The following MYH15 variants were observed in gnomAD, a reference collection of about 807,000 sequenced individuals.
The protein encoded by MYH15 is myosin-15.
A neutral mutation model predicts 240.5 loss-of-function variants in MYH15; 227 were observed. The ratio of observed to expected loss-of-function variants is 0.94; its 90% CI spans 0.85 to 1.05. The LOEUF (loss-of-function observed/expected upper bound fraction) is 1.05, where lower values mean the gene tolerates loss of function less well. MYH15 is among the 50% of genes least tolerant of loss of function. The pLI, the probability that MYH15 is intolerant of heterozygous loss-of-function variation, is 0.00. For missense variants in MYH15, 2,217 were observed against 2,247.5 expected, an observed-to-expected ratio of 0.99 and a Z score of 0.27; for synonymous variants, 785 against 796.7, an observed-to-expected ratio of 0.99 and a Z score of 0.25.
At chr3:108,422,983 A>C (rs2082695084) in intron 27 of MYH15, among the ~76,000 whole-genome samples, 1 of 152,190 alleles carries the variant, frequency 6.6e-6, no homozygotes, top group African/African-American at 2.4e-5. Flanking sequence ...TAGTTCAGCT[A>C]AAGATGGGGT....
At chr3:108,463,951 G>T (rs2083092517) in intron 15 of MYH15, among the ~76,000 whole-genome samples, 1 of 150,532 alleles carries the variant, frequency 6.6e-6, no homozygotes, top group Admixed American at 6.6e-5. Context: ...CTGACATACA[G>T]TGAACATTCA....
intron 21 of MYH15, among the ~76,000 whole-genome samples, chr3:108,445,879 A>C (rs2082923586): frequency 6.6e-6 from 1 of 152,194 alleles, no homozygotes. Flanking sequence ...AAACTAAAAA[A>C]CATAGCAGTT....
chr3:108,528,103 T>G (rs2083687515), intron 1 of MYH15, among the ~76,000 whole-genome samples: 1 of 152,144 alleles, frequency 6.6e-6, no homozygotes, highest in Non-Finnish European at 1.5e-5. Flanking sequence ...TAATCGCCTC[T>G]TAATACTGTA....
rs759403724 is a variant in MYH15 at position 108,505,752 on chromosome 3, T to C, written c.166A>G (p.Thr56Ala). Reference sequence around the variant, plus strand: ...CCATCTGCTGTCTCAACAATTACTGTTCCATCATCTTCACTCCCTTTTACC... The same window carrying C: ...CCATCTGCTGTCTCAACAATTACTGCTCCATCATCTTCACTCCCTTTTACC... ...AEVKGSEDDG[T>A]VIVETADGES... The change falls in exon 2 of 41, where the codon ACA (threonine) becomes GCA (alanine). Residue 56 changes from threonine (T) to alanine (A), a missense_variant. By Grantham distance (58) the Thr-to-Ala change is moderately conservative (BLOSUM62 0). Coordinates refer to ENST00000693548, the MANE Select transcript of MYH15 (RefSeq NM_014981.3). The C allele has an allele frequency of 1.6e-5, 25 of 1,612,576 alleles. No homozygotes were observed. The highest frequency in any genetic ancestry group is 2.0e-5 in the Non-Finnish European group (24 of 1,179,360).
chr3:108,542,581 G>A, the MYH15 span, among the ~76,000 whole-genome samples: 8 of 152,058 alleles, frequency 5.3e-5, no homozygotes, highest in Middle Eastern at 6.8e-3. Context: ...CTAAAGTTCC[G>A]GATACATGTG....
At chr3:108,415,318 G>A (rs2082624731) in intron 29 of MYH15, among the ~76,000 whole-genome samples, 2 of 152,176 alleles carry the variant, frequency 1.3e-5, no homozygotes, top group Admixed American at 1.3e-4. Flanking sequence ...TTAGTTAATG[G>A]CAGCCTCAGC....
At chr3:108,497,483 G>A (rs1194929257) in intron 6 of MYH15, among the ~76,000 whole-genome samples, 1 of 151,748 alleles carries the variant, frequency 6.6e-6, no homozygotes, top group Non-Finnish European at 1.5e-5. Context: ...TTATTATGAT[G>A]TCCATTAACA....
chr3:108,387,504 A>G (rs1560304964), intron 38 of MYH15, among the ~76,000 whole-genome samples: 1 of 152,224 alleles, frequency 6.6e-6, no homozygotes, highest in Non-Finnish European at 1.5e-5. Context: ...TAGAACAAGA[A>G]TGCATTCCTT....
At chr3:108,489,250 A>C (rs895209320) in intron 9 of MYH15, among the ~76,000 whole-genome samples, 2 of 152,230 alleles carry the variant, frequency 1.3e-5, no homozygotes, top group African/African-American at 4.8e-5. Flanking sequence ...TACTTTATGA[A>C]GTGAATACAC....
chr3:108,428,519 G>A lies in MYH15; in HGVS notation c.3675C>T (p.Thr1225=), dbSNP rs748819355. 5.0e-6 allele frequency: 8 copies of A among 1,613,838 alleles called. No homozygotes were observed. The Admixed American group carries it at 1.0e-4, about 20-fold the overall frequency. Residue 1225 remains threonine (T), a synonymous_variant, in exon 27 of 41, where the codon ACC becomes ACT. Coordinates refer to ENST00000693548, the MANE Select transcript of MYH15 (RefSeq NM_014981.3). ...TAGCTCTTGTCATCTGCTCAACACGGGTCAGGAGGTCATCTACTTCTAGCT... is the reference window on the plus strand; with the variant it reads ...TAGCTCTTGTCATCTGCTCAACACGAGTCAGGAGGTCATCTACTTCTAGCT... ...DLQLEVDDLL[T]RVEQMTRAKA...
At chr3:108,484,732 G>A (rs1372484767) in intron 11 of MYH15, among the ~76,000 whole-genome samples, 2 of 152,006 alleles carry the variant, frequency 1.3e-5, no homozygotes, top group Admixed American at 6.6e-5. Context: ...CACCCACCTC[G>A]GCCTCCCCAA....
chr3:108,383,560 TAA>T, intron 40 of MYH15, 33 bp downstream of exon 40: 1 of 1,604,530 alleles, frequency 6.2e-7, no homozygotes, highest in Non-Finnish European at 8.5e-7. Context: ...CAAACATGAT[TAA>T]AGAGTTAGAA....
chr3:108,521,765 C>T lies in MYH15; in HGVS notation c.-58+7498G>A, dbSNP rs532685089. On this transcript the variant is annotated intron_variant, in intron 1 of 41. Transcript: ENST00000273353. ...AAGTCACCAGTAACCTCACAGAAAT[C>T]CCAGGCAATATGAGATGAAGCAATA... is the stretch of plus-strand genomic sequence containing the variant. Among the ~76,000 whole-genome samples the T allele has an allele frequency of 1.3e-3, 200 of 152,230 alleles. 1 individual carries two copies. The Middle Eastern group carries it at 0.014, about 10-fold the overall frequency.
chr3:108,399,644 C>T (rs2082489303), intron 33 of MYH15, among the ~76,000 whole-genome samples: 1 of 152,172 alleles, frequency 6.6e-6, no homozygotes, highest in Non-Finnish European at 1.5e-5. Flanking sequence ...GATGCTCTTT[C>T]AGACAGCCGT....
chr3:108,537,156 AATTG>A, the MYH15 span, among the ~76,000 whole-genome samples: 5 of 152,156 alleles, frequency 3.3e-5, no homozygotes, highest in Non-Finnish European at 5.9e-5. Context: ...TTTTGTTTTT[AATTG>A]ATTATAACTT....
intron 11 of MYH15, among the ~76,000 whole-genome samples, chr3:108,479,415 G>C (rs568603568): frequency 1.1e-4 from 17 of 152,268 alleles, no homozygotes; most frequent in Admixed American, 5.2e-4. Context: ...AGCAGGTTAG[G>C]GGCTGGGCCG....
intron 22 of MYH15, among the ~76,000 whole-genome samples, chr3:108,442,888 C>A (rs2082896049): frequency 1.3e-5 from 2 of 151,184 alleles, no homozygotes; most frequent in African/African-American, 2.4e-5. Flanking sequence ...ATCACAGTTA[C>A]AATCTGAACT....
chr3:108,380,380 G>A lies in MYH15; in HGVS notation c.*1165C>T, dbSNP rs993653917. The A allele has an allele frequency of 6.6e-6, 1 of 152,530 alleles. No individual in the cohort carries two copies. The highest frequency in any genetic ancestry group is 2.4e-5 in the African/African-American group (1 of 41,586). 9.4% of individuals were successfully genotyped at this position (152,530 alleles called of 1,614,324 possible). On this transcript the variant is annotated 3_prime_UTR_variant, in exon 41 of 41. Coordinates refer to ENST00000693548, the MANE Select transcript of MYH15 (RefSeq NM_014981.3). ...CAGAATCAGAGAATGACAGAATAAAGATTTATTATAGAGCTTCAGCCTTAC... is the reference window on the plus strand; with the variant it reads ...CAGAATCAGAGAATGACAGAATAAAAATTTATTATAGAGCTTCAGCCTTAC...
intron 35 of MYH15, among the ~76,000 whole-genome samples, chr3:108,397,361 C>G (rs1200947587): frequency 6.6e-6 from 1 of 152,216 alleles, no homozygotes; most frequent in Non-Finnish European, 1.5e-5. Context: ...TGACTTTCCT[C>G]TCTACCTGGC....
Sources: gnomAD v4.1 joint callset for allele counts (sites outside exome capture counted in the v4.1 genomes callset) on GRCh38, gnomAD v4.1.1 for gene constraint, MANE v1.5 for transcripts, NCBI Gene and HGNC (gene_info 2026-07-23, HGNC 2026-07-21) for gene names.